FAM98B: variants seen among roughly 807,000 people sequenced by gnomAD.
FAM98B encodes tRNA splicing ligase complex subunit 3B.
Under a neutral mutation model 43.9 loss-of-function variants are expected in FAM98B, and 32 were observed. The observed-to-expected ratio is 0.73, with a 90% CI of 0.55 to 0.98. The LOEUF (loss-of-function observed/expected upper bound fraction) is 0.98. Among genes scored for constraint, FAM98B ranks in the 50% least tolerant of loss-of-function variants. The probability of loss-of-function intolerance (pLI) is 0.00; values close to 1 mark genes in which losing one functional copy is unlikely to be tolerated. For missense variants in FAM98B, 514 were observed against 522.9 expected (o/e 0.98, Z 0.17); for synonymous variants, 190 against 174.0 (o/e 1.09, Z -0.72).
chr15:38,476,902 G>A (rs534181939), intron 6 of FAM98B, among the ~76,000 whole-genome samples: 1 of 152,084 alleles, frequency 6.6e-6, no homozygotes, highest in African/African-American at 2.4e-5. Context: ...GGGGCGGGTG[G>A]ATTGCTTGAG....
Position 38,487,236 on chromosome 15 carries a change from A to G in FAM98B, c.*2577A>G, listed in dbSNP as rs1890391434. The G allele has an allele frequency of 6.6e-6, 1 of 152,130 alleles. No individual in the cohort carries two copies. The highest frequency in any genetic ancestry group is 2.4e-5 in the African/African-American group (1 of 41,444). The allele number at this position is 152,130 out of a possible 1,614,324, so 9.4% of individuals were successfully genotyped here. On this transcript the variant is annotated 3_prime_UTR_variant, in exon 8 of 8. Transcript: ENST00000397609. ...CTTACTTTTGTTTTGCAGATCAGGGAAACCTTGCCTCATTAAACAGAAAAA... is the reference window on the plus strand; with the variant it reads ...CTTACTTTTGTTTTGCAGATCAGGGGAACCTTGCCTCATTAAACAGAAAAA...
chr15:38,474,135 G>C lies in FAM98B; in HGVS notation c.613-47G>C, dbSNP rs760304570. 9 of 1,372,644 alleles carry C rather than the reference G, an allele frequency of 6.6e-6. No homozygotes were observed. The African/African-American group carries it at 1.1e-4, about 17-fold the overall frequency. The allele number at this position is 1,372,644 out of a possible 1,614,324, so 85.0% of individuals were successfully genotyped here. On this transcript the variant is annotated intron_variant, in intron 5 of 7. Coordinates refer to ENST00000397609, the MANE Select transcript of FAM98B (RefSeq NM_173611.4). ...AATTTTCAGATTTCTTTTCTTTGCA[G>C]AATGAAAGAATCTAAAGTTTATTAT...
chr15:38,458,843 AT>A, intron 1 of FAM98B: 1 of 487,906 alleles, frequency 2.0e-6, no homozygotes, highest in Non-Finnish European at 4.1e-6. Flanking sequence ...AGTATCTGCC[AT>A]GTCATCAAAC....
intron 1 of FAM98B, chr15:38,459,670 C>G (rs1889914695): frequency 5.5e-6 from 1 of 181,972 alleles, no homozygotes; most frequent in South Asian, 1.1e-4. Flanking sequence ...GTTTACATAC[C>G]CCCTCTCCTT....
intron 6 of FAM98B, 101 bp from the exon 7 acceptor site, chr15:38,481,191 A>T: frequency 1.0e-6 from 1 of 953,216 alleles, no homozygotes; most frequent in Non-Finnish European, 1.6e-6. Context: ...CTCCTTGCTT[A>T]TGCATTATCT....
At chr15:38,462,211 A>G (rs556539784) in intron 1 of FAM98B, among the ~76,000 whole-genome samples, 3 of 152,296 alleles carry the variant, frequency 2.0e-5, no homozygotes, top group Admixed American at 6.5e-5. Flanking sequence ...GGAAAAGGAG[A>G]CAAAAATGCA....
At position 38,487,412 on chromosome 15, in the gene FAM98B, A is replaced by G. The variant is rs1890394853; in HGVS notation, c.*2753A>G. 6.6e-6 allele frequency: 1 copy of G among 152,194 alleles called. No homozygotes were observed. Among genetic ancestry groups the G allele is most frequent in the South Asian group, 2.1e-4 (1 of 4,834 alleles). The allele number at this position is 152,194 out of a possible 1,614,324, so 9.4% of individuals were successfully genotyped here. On this transcript the variant is annotated 3_prime_UTR_variant, in exon 8 of 8. Coordinates refer to ENST00000397609, the MANE Select transcript of FAM98B (RefSeq NM_173611.4). ...GAGCACAGGTTAGAGAAATGTGGGGATGAAAATTGGGGAAGGTGAGCAGGC... is the reference window on the plus strand; with the variant it reads ...GAGCACAGGTTAGAGAAATGTGGGGGTGAAAATTGGGGAAGGTGAGCAGGC...
In FAM98B at chr15:38,481,947, C is replaced by T. The variant is rs1890292912; in HGVS notation, c.897+488C>T. On this transcript the variant is annotated intron_variant, in intron 7 of 7. Transcript: ENST00000397609. Reference sequence around the variant, plus strand: ...TGTTTCCTGATTTGGAGTATACATCCATTTCTCTGACAGTAGTCTATTTAA... The same window carrying T: ...TGTTTCCTGATTTGGAGTATACATCTATTTCTCTGACAGTAGTCTATTTAA... 4 of 204,144 alleles carry T rather than the reference C, an allele frequency of 2.0e-5. 1 individual carries two copies. The South Asian group carries it at 2.7e-4, about 14-fold the overall frequency. The allele number at this position is 204,144 out of a possible 1,614,324, so 12.6% of individuals were successfully genotyped here. A position where few individuals can be genotyped will look rare whatever the true frequency, so the allele number is the denominator to read the frequency against.
chr15:38,459,148 G>C (rs1387547272), intron 1 of FAM98B: 1 of 348,142 alleles, frequency 2.9e-6, no homozygotes, highest in African/African-American at 2.1e-5. Flanking sequence ...AAACCTGCTT[G>C]AGTGGTCTCC....
chr15:38,481,582 G>C lies in FAM98B; in HGVS notation c.897+123G>C, dbSNP rs375025627. ...TGTTTAGAAAAAAGAGTGGCAGGGG[G>C]GTTCAGTCTAGGCTTAGTTATGTTA... On this transcript the variant is annotated intron_variant, in intron 7 of 7. Transcript: ENST00000397609. The C allele has an allele frequency of 1.1e-5, 17 of 1,611,162 alleles. No individual in the cohort carries two copies. In the African/African-American group the frequency reaches 1.2e-4, roughly 11 times the overall value.
intron 5 of FAM98B, among the ~76,000 whole-genome samples, chr15:38,473,805 T>C (rs1455004272): frequency 6.6e-6 from 1 of 152,236 alleles, no homozygotes; most frequent in African/African-American, 2.4e-5. Flanking sequence ...CTCAATGTGC[T>C]AGCACAGTTG....
intron 2 of FAM98B, among the ~76,000 whole-genome samples, chr15:38,464,525 G>A (rs1013990420): frequency 6.6e-6 from 1 of 151,742 alleles, no homozygotes; most frequent in African/African-American, 2.4e-5. Flanking sequence ...TTGAATTAAG[G>A]CTTAAAATAT....
intron 1 of FAM98B, among the ~76,000 whole-genome samples, chr15:38,457,751 A>G (rs1244189050): frequency 6.6e-6 from 1 of 152,134 alleles, no homozygotes; most frequent in Non-Finnish European, 1.5e-5. Flanking sequence ...TCCAAGAGGT[A>G]ATAGATGAAA....
At chr15:38,466,799 A>G (rs964781469) in intron 3 of FAM98B, among the ~76,000 whole-genome samples, 3 of 152,136 alleles carry the variant, frequency 2.0e-5, no homozygotes, top group Non-Finnish European at 4.4e-5. Context: ...ATAAAACATA[A>G]AGAAGAAAAG....
In FAM98B at chr15:38,482,888, G is replaced by C. The variant is rs973804472; in HGVS notation, c.898-1367G>C. 2.0e-5 allele frequency: 3 copies of C among 152,138 alleles called. No individual in the cohort carries two copies. The East Asian group carries it at 5.8e-4, about 29-fold the overall frequency. 9.4% of individuals were successfully genotyped at this position (152,138 alleles called of 1,614,324 possible). On this transcript the variant is annotated intron_variant, in intron 7 of 7. Transcript: ENST00000397609. The stretch of plus-strand genomic sequence containing the variant: ...CTCTTCCCTAGTTTATTTTTGAAAG[G>C]ATTATAAAGCATAGTAAAGGAATTA...
chr15:38,454,536 T>A (rs1475269982), intron 1 of FAM98B, among the ~76,000 whole-genome samples: 1 of 152,236 alleles, frequency 6.6e-6, no homozygotes, highest in Non-Finnish European at 1.5e-5. Context: ...TTTTCTGGGC[T>A]AGCTCGCGCC....
chr15:38,454,689 C>T (rs1375600013), intron 1 of FAM98B, among the ~76,000 whole-genome samples: 2 of 152,164 alleles, frequency 1.3e-5, no homozygotes, highest in African/African-American at 2.4e-5. Context: ...TTACTTTGAC[C>T]GGAGAAAGTG....
intron 1 of FAM98B, among the ~76,000 whole-genome samples, chr15:38,459,866 G>T (rs564811169): frequency 9.2e-5 from 14 of 152,314 alleles, no homozygotes; most frequent in South Asian, 2.1e-4. Flanking sequence ...GGACAGTATA[G>T]CAAAATATCC....
intron 7 of FAM98B, among the ~76,000 whole-genome samples, chr15:38,484,032 A>T (rs1890326154): frequency 6.6e-6 from 1 of 151,864 alleles, no homozygotes; most frequent in Admixed American, 6.5e-5. Context: ...GGTATAGAAC[A>T]CTAGAATTTA....
Sources: allele counts gnomAD v4.1 joint callset (sites outside exome capture counted in the v4.1 genomes callset), GRCh38; gene constraint gnomAD v4.1.1; transcripts MANE v1.5; gene names NCBI Gene and HGNC (gene_info 2026-07-23, HGNC 2026-07-21).